The following CXorf58 variants were observed in gnomAD, a reference collection of about 807,000 sequenced individuals.
CXorf58 encodes uncharacterized protein CXorf58.
A neutral mutation model predicts 26.0 loss-of-function variants in CXorf58; 24 were observed. That is an observed-to-expected ratio of 0.92 (90% CI 0.67 to 1.30). The LOEUF is 1.30. Ranked by LOEUF, CXorf58 falls within the 50% of genes most tolerant of loss-of-function variation. The pLI, the probability that CXorf58 is intolerant of heterozygous loss-of-function variation, is 0.00. For synonymous variants in CXorf58, 87 were observed against 86.1 expected (o/e 1.01, Z -0.06); for missense variants, 236 against 263.9 (o/e 0.89, Z 0.73).
At chrX:23,930,994 C>T (rs1318799229) in intron 6 of CXorf58, among the ~76,000 whole-genome samples, 4 of 111,759 alleles carry the variant, frequency 3.6e-5, no homozygotes, top group Admixed American at 9.6e-5. Flanking sequence ...TTTATATGCA[C>T]TGGGAAACCA....
intron 7 of CXorf58, 46 bp downstream of exon 7, chrX:23,935,471 GA>G (rs1184876192): frequency 6.5e-6 from 6 of 928,610 alleles, no homozygotes; most frequent in Non-Finnish European, 9.2e-6. Context: ...GGGCATATCT[GA>G]AAATGTTCAC....
Position 23,927,366 on chromosome X carries a change from T to G in CXorf58, c.551T>G (p.Val184Gly), listed in dbSNP as rs777674169. ...GATGTTGTCACCATGCAAGATTATG[T>G]ACAAGTAAGGAATTTAGATTTAGAA... ...IMDVVTMQDY[V>G]QYRSFFDEAP... Residue 184 changes from valine (V) to glycine (G), a missense_variant, in exon 6 of 9, where the codon GTA (valine) becomes GGA (glycine). Val to Gly is a moderately radical substitution (Grantham distance 109). Transcript: ENST00000379211. 1 of 1,145,711 alleles carries G rather than the reference T, an allele frequency of 8.7e-7. No individual in the cohort carries two copies. The highest frequency in any genetic ancestry group is 1.2e-6 in the Non-Finnish European group (1 of 860,957). 94.4% of individuals were successfully genotyped at this position (1,145,711 alleles called of 1,213,427 possible).
intron 5 of CXorf58, among the ~76,000 whole-genome samples, chrX:23,925,346 CT>C (rs759663219): frequency 0.013 from 1,182 of 91,917 alleles, 16 homozygotes; most frequent in African/African-American, 0.042. Flanking sequence ...TTTCTTTTCT[CT>C]TTTTTTTTTT....
Position 23,910,425 on chromosome X carries a change from A to G in CXorf58, c.116+7A>G. The G allele has an allele frequency of 9.8e-7, 1 of 1,023,726 alleles. No individual in the cohort carries two copies. Among genetic ancestry groups the G allele is most frequent in the Non-Finnish European group, 1.4e-6 (1 of 725,581 alleles). 84.4% of individuals were successfully genotyped at this position (1,023,726 alleles called of 1,213,427 possible). ...ATGCAAGATCATTACTATCGTAAGTACCTGTGTTTTGCCTTGTGTTATCTT... is the reference window on the plus strand; with the variant it reads ...ATGCAAGATCATTACTATCGTAAGTGCCTGTGTTTTGCCTTGTGTTATCTT... On this transcript the variant is annotated splice_region_variant and intron_variant, in intron 2 of 8. Coordinates refer to ENST00000379211, the MANE Select transcript of CXorf58 (RefSeq NM_152761.3).
intron 6 of CXorf58, among the ~76,000 whole-genome samples, chrX:23,929,957 G>A (rs1315193001): frequency 9.0e-6 from 1 of 110,866 alleles, no homozygotes; most frequent in Non-Finnish European, 1.9e-5. Flanking sequence ...CAGCACTTTG[G>A]GAGACCAAGG....
At chrX:23,939,187 A>G in intron 8 of CXorf58, 57 bp from the exon 9 acceptor site, 2 of 753,820 alleles carry the variant, frequency 2.7e-6, no homozygotes, top group Non-Finnish European at 2.0e-6. Context: ...ATTAAAATAT[A>G]AAGTAGTAAA....
chrX:23,935,576 G>T (rs776351923), intron 7 of CXorf58, 151 bp downstream of exon 7: 13 of 448,053 alleles, frequency 2.9e-5, no homozygotes, highest in Non-Finnish European at 4.9e-5. Context: ...TGTAAACAGA[G>T]CACTAACAAA....
chrX:23,924,294 T>G (rs2147071911), intron 5 of CXorf58, among the ~76,000 whole-genome samples: 1 of 100,502 alleles, frequency 1.0e-5, no homozygotes, highest in African/African-American at 4.0e-5. Flanking sequence ...TTGCCAATAC[T>G]ATCTTTATTT....
chrX:23,927,337 A>C lies in CXorf58; in HGVS notation c.522A>C (p.Ile174=). Residue 174 remains isoleucine, a synonymous_variant, in exon 6 of 9, where the codon ATA becomes ATC. Transcript: ENST00000379211. The part of the protein sequence containing the change: ...RIFPKSKVTD[I]MDVVTMQDYV... ...TCCCGAAGTCCAAAGTAACTGATAT[A>C]ATGGATGTTGTCACCATGCAAGATT... The C allele has an allele frequency of 8.5e-7, 1 of 1,178,682 alleles. No homozygotes were observed. The highest frequency in any genetic ancestry group is 1.9e-5 in the South Asian group (1 of 52,595).
At position 23,910,327 on chromosome X, in the gene CXorf58, C is replaced by A. The variant is rs764370346; in HGVS notation, c.25C>A (p.Arg9Ser). MNRSSNVP[R>S]KGILKSGTRS... ...AATGAATCGTTCCTCAAATGTACCA[C>A]GTAAAGGTATTCTGAAATCAGGTAC... Residue 9 changes from arginine to serine, a missense_variant, in exon 2 of 9, where the codon CGT (arginine) becomes AGT (serine). Transcript: ENST00000379211. 1 of 1,189,778 alleles carries A rather than the reference C, an allele frequency of 8.4e-7. No homozygotes were observed. The highest frequency in any genetic ancestry group is 3.0e-5 in the East Asian group (1 of 33,569).
intron 5 of CXorf58, among the ~76,000 whole-genome samples, chrX:23,921,879 T>G (rs762566899): frequency 9.1e-6 from 1 of 109,615 alleles, no homozygotes; most frequent in African/African-American, 3.3e-5. Context: ...TTGCATTTTT[T>G]TTTAGTAGAA....
At chrX:23,910,613 A>G (rs980051171) in intron 2 of CXorf58, among the ~76,000 whole-genome samples, 195 bp downstream of exon 2, 1 of 111,815 alleles carries the variant, frequency 8.9e-6, no homozygotes, top group Non-Finnish European at 1.9e-5. Context: ...CTTGATCCTG[A>G]TACAACCTTG....
intron 5 of CXorf58, among the ~76,000 whole-genome samples, chrX:23,923,966 T>G (rs1166334913): frequency 2.7e-5 from 3 of 111,704 alleles, no homozygotes; most frequent in Non-Finnish European, 1.9e-5. Context: ...CTCAGGAGGC[T>G]GAGGCAGGAG....
At chrX:23,928,537 T>C (rs1026248871) in intron 6 of CXorf58, among the ~76,000 whole-genome samples, 1 of 111,671 alleles carries the variant, frequency 9.0e-6, no homozygotes. Context: ...CAAGCAAATC[T>C]ATCAGTGCCA....
intron 6 of CXorf58, 130 bp downstream of exon 6, chrX:23,927,500 T>TGGTAAAATATAACACAATATAAA: frequency 4.3e-6 from 1 of 235,213 alleles, no homozygotes; most frequent in Non-Finnish European, 7.1e-6. Flanking sequence ...TATTGTATTA[T>TGGTAAAATATAACACAATATAAA]ATTTTATTTT....
chrX:23,930,196 C>CAAAAAAA (rs752970734), intron 6 of CXorf58, among the ~76,000 whole-genome samples: 18 of 36,615 alleles, frequency 4.9e-4, no homozygotes, highest in African/African-American at 9.1e-4. Flanking sequence ...GACTCTGTCT[C>CAAAAAAA]AAAAAAAAAA....
chrX:23,920,856 A>C (rs929274356), intron 5 of CXorf58, among the ~76,000 whole-genome samples: 2 of 102,437 alleles, frequency 2.0e-5, no homozygotes, highest in Non-Finnish European at 4.0e-5. Flanking sequence ...GCACCATTGC[A>C]CTCCAGCCTG....
At chrX:23,918,708 C>T (rs1334140223) in intron 5 of CXorf58, among the ~76,000 whole-genome samples, 1 of 111,743 alleles carries the variant, frequency 8.9e-6, no homozygotes, top group African/African-American at 3.2e-5. Flanking sequence ...TATTAATGAC[C>T]TTTTCTTTCA....
intron 2 of CXorf58, 61 bp from the exon 3 acceptor site, chrX:23,911,696 C>A: frequency 5.2e-6 from 4 of 773,893 alleles, no homozygotes; most frequent in Non-Finnish European, 7.7e-6. Context: ...ATTGATAGTT[C>A]TCTAAGGTTT....
Sources: allele counts gnomAD v4.1 joint callset (sites outside exome capture counted in the v4.1 genomes callset), GRCh38; gene constraint gnomAD v4.1.1; transcripts MANE v1.5; gene names NCBI Gene and HGNC (gene_info 2026-07-23, HGNC 2026-07-21).